Variants in PAGE1 observed in about 807,000 individuals in gnomAD.
PAGE1 encodes PAGE family member 1.
PAGE1 carries 6 observed loss-of-function variants against 11.5 expected under a neutral mutation model. That is an observed-to-expected ratio of 0.52 (90% CI 0.29 to 1.03). PAGE1 has a LOEUF of 1.03. Among genes scored for constraint, PAGE1 ranks in the 50% least tolerant of loss-of-function variants. The pLI, the probability that PAGE1 is intolerant of heterozygous loss-of-function variation, is 0.09. For synonymous variants in PAGE1, 42 were observed against 40.2 expected, an observed-to-expected ratio of 1.05 and a Z score of -0.17; for missense variants, 120 against 110.2, an observed-to-expected ratio of 1.09 and a Z score of -0.40.
Position 49,690,854 on chromosome X carries a change from G to A in PAGE1, c.292+395C>T, listed in dbSNP as rs182570489. ...AGCCTGGCTAATGTGGTGAAATCCCGTCTCTACTAAAATACAAAAAAAAAA... is the reference window on the plus strand; with the variant it reads ...AGCCTGGCTAATGTGGTGAAATCCCATCTCTACTAAAATACAAAAAAAAAA... On this transcript the variant is annotated intron_variant, in intron 4 of 5. Coordinates refer to ENST00000376150, the MANE Select transcript of PAGE1 (RefSeq NM_003785.4). 4.9e-3 allele frequency among the ~76,000 whole-genome samples: 506 copies of A among 103,401 alleles called. 2 individuals carry two copies. The highest frequency in any genetic ancestry group is 7.2e-3 in the Non-Finnish European group (367 of 51,000). The allele number at this position is 103,401 out of a possible 115,157, so 89.8% of individuals were successfully genotyped here. A position where few individuals can be genotyped will look rare whatever the true frequency, so the allele number is the denominator to read the frequency against.
chrX:49,688,988 AC>A (rs1369580119), intron 5 of PAGE1, among the ~76,000 whole-genome samples: 1 of 111,600 alleles, frequency 9.0e-6, no homozygotes, highest in Non-Finnish European at 1.9e-5. Flanking sequence ...ATTTCAAATA[AC>A]CTTTATATAA....
chrX:49,692,226 T>C (rs1257634484), intron 3 of PAGE1, among the ~76,000 whole-genome samples: 1 of 112,108 alleles, frequency 8.9e-6, no homozygotes, highest in Non-Finnish European at 1.9e-5. Context: ...ATTAAATGAC[T>C]GCAGGTTCTC....
chrX:49,694,036 AC>A, intron 3 of PAGE1, 62 bp downstream of exon 3: 1 of 559,990 alleles, frequency 1.8e-6, no homozygotes. Flanking sequence ...ACACACACAC[AC>A]ACACACACAC....
chrX:49,694,021 GACACAC>G (rs565227923), intron 3 of PAGE1, 72 bp downstream of exon 3: 5,704 of 358,013 alleles, frequency 0.016, 101 homozygotes, highest in African/African-American at 0.088. Flanking sequence ...CAATGCATGA[GACACAC>G]ACACACACAC....
Position 49,694,206 on chromosome X carries a change from T to C in PAGE1, c.64-5A>G. On this transcript the variant is annotated splice_region_variant and splice_polypyrimidine_tract_variant and intron_variant, in intron 2 of 5. Coordinates refer to ENST00000376150, the MANE Select transcript of PAGE1 (RefSeq NM_003785.4). The stretch of plus-strand genomic sequence containing the variant: ...AGGTTGCTCATCACTGGACTCCTTG[T>C]GGTAGGGAATATGTGTGTGAGTGTG... 1 of 1,113,150 alleles carries C rather than the reference T, an allele frequency of 9.0e-7. No individual in the cohort carries two copies. The highest frequency in any genetic ancestry group is 1.2e-6 in the Non-Finnish European group (1 of 819,880). 91.7% of individuals were successfully genotyped at this position (1,113,150 alleles called of 1,213,427 possible).
At chrX:49,691,051 G>A (rs1285260126) in intron 4 of PAGE1, among the ~76,000 whole-genome samples, 198 bp downstream of exon 4, 1 of 111,051 alleles carries the variant, frequency 9.0e-6, no homozygotes, top group African/African-American at 3.3e-5. Context: ...GGTGGCATAC[G>A]CCTGTAATCC....
At chrX:49,689,766 ATATG>A (rs1206570663) in intron 4 of PAGE1, among the ~76,000 whole-genome samples, 5 of 63,763 alleles carry the variant, frequency 7.8e-5, no homozygotes, top group Admixed American at 4.1e-4. Context: ...ATATACATAT[ATATG>A]TGTGTATATA....
chrX:49,689,273 A>G (rs782630461), intron 5 of PAGE1, 145 bp downstream of exon 5: 6 of 616,056 alleles, frequency 9.7e-6, no homozygotes, highest in Non-Finnish European at 1.2e-5. Flanking sequence ...CTTGGGAGGC[A>G]GAAGCTCCAG....
intron 3 of PAGE1, among the ~76,000 whole-genome samples, chrX:49,691,892 T>A (rs1557142260): frequency 8.9e-6 from 1 of 112,008 alleles, no homozygotes; most frequent in African/African-American, 3.2e-5. Context: ...ATCCCAGCAC[T>A]TTGGGAGACC....
chrX:49,694,003 G>C, intron 3 of PAGE1, 96 bp downstream of exon 3: 1 of 451,627 alleles, frequency 2.2e-6, no homozygotes. Flanking sequence ...CCTGTTCCTG[G>C]TATGTGACAA....
intron 4 of PAGE1, among the ~76,000 whole-genome samples, chrX:49,690,272 G>A (rs1014443480): frequency 9.3e-6 from 1 of 107,000 alleles, no homozygotes; most frequent in Non-Finnish European, 1.9e-5. Flanking sequence ...AGAATCCCAA[G>A]AACATGATTT....
rs1557142569 is a variant in PAGE1, at chrX:49,694,198, A to G, written c.67T>C (p.Ser23Pro). ...PMIYVESSEE[S>P]SDEQPDEVES... ...ACTTCGTCAGGTTGCTCATCACTGG[A>G]CTCCTTGTGGTAGGGAATATGTGTG... The change falls in exon 3 of 6, where the codon TCC becomes CCC. Residue 23 changes from serine (S) to proline (P), a missense_variant. Physicochemically the swap from Ser to Pro is moderately conservative, Grantham distance 74. Transcript: ENST00000376150. The G allele has an allele frequency of 8.7e-7, 1 of 1,144,310 alleles. No homozygotes were observed. The allele number at this position is 1,144,310 out of a possible 1,213,427, so 94.3% of individuals were successfully genotyped here.
At chrX:49,691,484 T>C in intron 3 of PAGE1, 110 bp from the exon 4 acceptor site, 1 of 594,112 alleles carries the variant, frequency 1.7e-6, no homozygotes, top group African/African-American at 2.3e-5. Flanking sequence ...GGTACTGTAA[T>C]AATAAATGTG....
intron 3 of PAGE1, 35 bp downstream of exon 3, chrX:49,694,059 CACACA>C (rs1569533562): frequency 2.1e-5 from 17 of 809,269 alleles, no homozygotes; most frequent in Middle Eastern, 3.2e-4. Context: ...CACACACACA[CACACA>C]CCCCAACAGG....
rs1056908120 is a variant in PAGE1 at position 49,687,526 on chromosome X, T to A, written c.*15A>T. On this transcript the variant is annotated 3_prime_UTR_variant, in exon 6 of 6. Transcript: ENST00000376150. Reference sequence around the variant, plus strand: ...CAACACAGGAGCAGCCTGAACCATTTCAGCGTGTCTTCTTTTAAGGCTGTG... The same window carrying A: ...CAACACAGGAGCAGCCTGAACCATTACAGCGTGTCTTCTTTTAAGGCTGTG... 1 of 1,203,183 alleles carries A rather than the reference T, an allele frequency of 8.3e-7. No individual in the cohort carries two copies. The highest frequency in any genetic ancestry group is 1.1e-6 in the Non-Finnish European group (1 of 889,248).
chrX:49,689,629 T>TATAC (rs2066901102), intron 4 of PAGE1, 86 bp from the exon 5 acceptor site: 1 of 91,371 alleles, frequency 1.1e-5, no homozygotes, highest in African/African-American at 8.0e-5. Flanking sequence ...CATATATATA[T>TATAC]ACATATACAT....
At chrX:49,691,397 C>A in intron 3 of PAGE1, 23 bp from the exon 4 acceptor site, 1 of 1,157,317 alleles carries the variant, frequency 8.6e-7, no homozygotes, top group South Asian at 2.0e-5. Flanking sequence ...ACAAAATTAT[C>A]ATTTTAAGCA....
chrX:49,689,609 T>TATATATAC (rs1263543030), intron 4 of PAGE1, 66 bp from the exon 5 acceptor site: 1 of 77,537 alleles, frequency 1.3e-5, no homozygotes, highest in Non-Finnish European at 2.0e-5. Context: ...TATATATATA[T>TATATATAC]ATACATATAC....
rs1569533566 is a variant in PAGE1, at chrX:49,694,162, T to A, written c.103A>T (p.Thr35Ser). The A allele has an allele frequency of 8.4e-7, 1 of 1,190,248 alleles. No homozygotes were observed. The highest frequency in any genetic ancestry group is 1.1e-6 in the Non-Finnish European group (1 of 882,944). The change falls in exon 3 of 6, where the codon ACT becomes TCT. Residue 35 changes from threonine to serine, a missense_variant. Physicochemically the swap from Thr to Ser is moderately conservative, Grantham distance 58 (BLOSUM62 1). Coordinates refer to ENST00000376150, the MANE Select transcript of PAGE1 (RefSeq NM_003785.4). ...GCAGGTGTAGAATCCTGACTTTGAGTTGGTGATTCCACTTCGTCAGGTTGC... is the reference window on the plus strand; with the variant it reads ...GCAGGTGTAGAATCCTGACTTTGAGATGGTGATTCCACTTCGTCAGGTTGC... ...DEQPDEVESP[T>S]QSQDSTPAEE...
Sources: gnomAD v4.1 joint callset for allele counts (sites outside exome capture counted in the v4.1 genomes callset) on GRCh38, gnomAD v4.1.1 for gene constraint, MANE v1.5 for transcripts, NCBI Gene and HGNC (gene_info 2026-07-23, HGNC 2026-07-21) for gene names.